Variants in CRAMP1 observed in about 807,000 individuals in gnomAD.
CRAMP1 encodes the protein cramped chromatin regulator 1.
A neutral mutation model predicts 115.4 loss-of-function variants in CRAMP1; 50 were observed. The observed-to-expected ratio is 0.43, with a 90% CI of 0.35 to 0.55. The LOEUF (loss-of-function observed/expected upper bound fraction) is 0.55, where lower values mean the gene tolerates loss of function less well. Ranked by LOEUF, CRAMP1 falls within the 20% of genes least tolerant of loss-of-function variation. The pLI is 0.01. For synonymous variants in CRAMP1, 866 were observed against 745.4 expected (o/e 1.16, Z -2.64); for missense variants, 1,679 against 1,721.7 (o/e 0.98, Z 0.44).
At chr16:1,641,048 A>C (rs2036627590) in intron 5 of CRAMP1, 91 bp from the exon 6 acceptor site, 5 of 845,596 alleles carry the variant, frequency 5.9e-6, no homozygotes, top group Admixed American at 1.9e-5. Context: ...ATGGGATTTG[A>C]GTCTATATTG....
intron 2 of CRAMP1, chr16:1,625,740 C>T (rs1039785387): frequency 2.2e-6 from 1 of 461,772 alleles, no homozygotes; most frequent in Non-Finnish European, 3.9e-6. Context: ...TAAAATCTTG[C>T]TCCTTTTCTA....
At chr16:1,626,829 C>A (rs1361481707) in intron 3 of CRAMP1, among the ~76,000 whole-genome samples, 1 of 152,128 alleles carries the variant, frequency 6.6e-6, no homozygotes, top group Non-Finnish European at 1.5e-5. Context: ...TAAATATTCT[C>A]CTTGCCTGTG....
In CRAMP1 at chr16:1,674,191, C is replaced by A; in HGVS notation, c.*146C>A. 1 of 772,764 alleles carries A rather than the reference C, an allele frequency of 1.3e-6. No homozygotes were observed. The highest frequency in any genetic ancestry group is 2.0e-6 in the Non-Finnish European group (1 of 493,214). The allele number at this position is 772,764 out of a possible 1,614,324, so 47.9% of individuals were successfully genotyped here. On this transcript the variant is annotated 3_prime_UTR_variant, in exon 21 of 21. Coordinates refer to ENST00000397412, the MANE Select transcript of CRAMP1 (RefSeq NM_020825.4). ...GAACGTGGTCACAGAGCTGCTTCCC[C>A]ACGAGCAGCAGGCAACGGCGTCCAA...
intron 2 of CRAMP1, among the ~76,000 whole-genome samples, chr16:1,619,798 C>T (rs2142168848): frequency 6.6e-6 from 1 of 152,274 alleles, no homozygotes; most frequent in African/African-American, 2.4e-5. Context: ...ATGAGTGACT[C>T]CCAGAGGGTG....
intron 5 of CRAMP1, 71 bp from the exon 6 acceptor site, chr16:1,641,068 G>A (rs2036627831): frequency 9.5e-7 from 1 of 1,055,724 alleles, no homozygotes; most frequent in Non-Finnish European, 1.5e-6. Flanking sequence ...GAGCGGAATT[G>A]TATGGGAATC....
chr16:1,616,595 TTTTG>T (rs1567445369), intron 2 of CRAMP1, among the ~76,000 whole-genome samples: 1 of 152,172 alleles, frequency 6.6e-6, no homozygotes, highest in Non-Finnish European at 1.5e-5. Context: ...GGAGGCTTGC[TTTTG>T]TTTGTATAGT....
At chr16:1,638,795 C>T (rs2036609218) in intron 5 of CRAMP1, among the ~76,000 whole-genome samples, 1 of 151,984 alleles carries the variant, frequency 6.6e-6, no homozygotes, top group South Asian at 2.1e-4. Flanking sequence ...CAGGCCTGCA[C>T]CACACTCTGT....
chr16:1,648,272 C>T (rs183136352), intron 6 of CRAMP1, among the ~76,000 whole-genome samples: 163 of 152,288 alleles, frequency 1.1e-3, no homozygotes, highest in East Asian at 4.2e-3. Flanking sequence ...TGAGTGGAAA[C>T]GTCCATTTGT....
At chr16:1,655,666 C>T (rs989894568) in intron 9 of CRAMP1, among the ~76,000 whole-genome samples, 26 of 152,222 alleles carry the variant, frequency 1.7e-4, no homozygotes, top group Admixed American at 1.2e-3. Flanking sequence ...CCCACATAGG[C>T]GTGGTGCGTG....
intron 6 of CRAMP1, among the ~76,000 whole-genome samples, chr16:1,647,748 T>TAAAA (rs35279793): frequency 2.3e-5 from 2 of 87,718 alleles, no homozygotes; most frequent in Non-Finnish European, 4.5e-5. Context: ...GACTCTGCCT[T>TAAAA]AAAAAAAAAA....
rs1257234848 is a variant in CRAMP1 at position 1,656,498 on chromosome 16, G to C, written c.1741G>C (p.Asp581His). 1 of 1,572,132 alleles carries C rather than the reference G, an allele frequency of 6.4e-7. No individual in the cohort carries two copies. The highest frequency in any genetic ancestry group is 2.4e-5 in the East Asian group (1 of 42,236). ...LIVPEQCRCADTRPGSEQPPL... is the reference protein window; with the variant it reads ...LIVPEQCRCAHTRPGSEQPPL... ...TGTCCCCGAGCAGTGCCGCTGTGCGGACACACGGCCTGGGAGCGAGCAGCC... is the reference window on the plus strand; with the variant it reads ...TGTCCCCGAGCAGTGCCGCTGTGCGCACACACGGCCTGGGAGCGAGCAGCC... The change falls in exon 10 of 21, where the codon GAC (aspartate) becomes CAC (histidine). Residue 581 changes from aspartate to histidine, a missense_variant. Physicochemically the swap from Asp to His is moderately conservative, Grantham distance 81. This residue lies in a region of CRAMP1 where 405 missense variants were observed against 302.6 expected (regional missense o/e 1.34). Transcript: ENST00000397412. This position sits in a 1 kb window ranked among gnomAD's most constrained non-coding sequence, Gnocchi z 5.6.
Position 1,670,758 on chromosome 16 carries a change from T to G in CRAMP1, c.3594T>G (p.Asp1198Glu). Residue 1198 changes from aspartate (D) to glutamate (E), a missense_variant, in exon 20 of 21, where the codon GAT (aspartate) becomes GAG (glutamate). Asp to Glu is a conservative substitution (Grantham distance 45, BLOSUM62 2). Around this residue, in one of 8 missense-constraint regions of CRAMP1, gnomAD observed 709 missense variants for 741.9 expected, o/e 0.96. Transcript: ENST00000397412. ...GTSLLGPSLL[D>E]GNSRDSFVSR... ...CCTTGCTTGGCCCCAGCTTGTTGGA[T>G]GGAAACTCGCGGGACTCATTTGTGT... 6.2e-7 allele frequency: 1 copy of G among 1,614,020 alleles called. No individual in the cohort carries two copies. Among genetic ancestry groups the G allele is most frequent in the Non-Finnish European group, 8.5e-7 (1 of 1,179,898 alleles).
At chr16:1,631,717 C>A (rs1000425698) in intron 3 of CRAMP1, among the ~76,000 whole-genome samples, 1 of 152,222 alleles carries the variant, frequency 6.6e-6, no homozygotes, top group Non-Finnish European at 1.5e-5. Flanking sequence ...CACGTATAAT[C>A]AGAGTATAGT....
chr16:1,655,201 T>C lies in CRAMP1; in HGVS notation c.1038-18T>C, dbSNP rs375586696. The C allele has an allele frequency of 4.4e-5, 70 of 1,607,148 alleles. 2 individuals are homozygous for C. Among genetic ancestry groups the C allele is most frequent in the Middle Eastern group, 1.6e-4 (1 of 6,074 alleles). On this transcript the variant is annotated intron_variant, in intron 8 of 20. Coordinates refer to ENST00000397412, the MANE Select transcript of CRAMP1 (RefSeq NM_020825.4). ...CTGTTCTGCGAACCTCACTTCCTCCTGTCTGTCGTCTCCGTAGGATGATCG... is the reference window on the plus strand; with the variant it reads ...CTGTTCTGCGAACCTCACTTCCTCCCGTCTGTCGTCTCCGTAGGATGATCG...
In CRAMP1 at chr16:1,666,540, C is replaced by T. The variant is rs575075208; in HGVS notation, c.2976C>T (p.Ala992=). Residue 992 remains alanine (A), a synonymous_variant, in exon 16 of 21, where the codon GCC becomes GCT. Transcript: ENST00000397412. The surrounding 1 kb of genome is among the most constrained non-coding windows in gnomAD (Gnocchi z 5.0). ...SPLSSDEVTG[A]ISGQDSTGTH... Reference sequence around the variant, plus strand: ...TGTCTTCAGACGAGGTGACGGGTGCCATCTCGGGGCAGGACTCTACTGGAA... The same window carrying T: ...TGTCTTCAGACGAGGTGACGGGTGCTATCTCGGGGCAGGACTCTACTGGAA... The T allele has an allele frequency of 2.5e-6, 4 of 1,613,954 alleles. No homozygotes were observed. Among genetic ancestry groups the T allele is most frequent in the Admixed American group, 3.3e-5 (2 of 60,020 alleles).
chr16:1,639,185 G>A (rs772119987), intron 5 of CRAMP1, among the ~76,000 whole-genome samples: 10 of 152,082 alleles, frequency 6.6e-5, no homozygotes, highest in Non-Finnish European at 1.3e-4. Flanking sequence ...TGCTTGTTCT[G>A]GTTTCCTCCC....
rs534598207 is a variant in CRAMP1 at position 1,675,006 on chromosome 16, A to G, written c.*961A>G. The G allele has an allele frequency of 2.0e-5, 3 of 152,340 alleles. No individual in the cohort carries two copies. In the South Asian group the frequency reaches 6.2e-4, roughly 32 times the overall value. The allele number at this position is 152,340 out of a possible 1,614,324, so 9.4% of individuals were successfully genotyped here. The stretch of plus-strand genomic sequence containing the variant: ...TGCCTTTGCAGGGAAAGTGTCTCTC[A>G]CGGGCATTGGTGTGGGCGTGCCTGA... On this transcript the variant is annotated 3_prime_UTR_variant, in exon 21 of 21. Transcript: ENST00000397412.
chr16:1,623,864 A>G (rs1267427892), intron 2 of CRAMP1, among the ~76,000 whole-genome samples: 1 of 152,246 alleles, frequency 6.6e-6, no homozygotes, highest in East Asian at 1.9e-4. Flanking sequence ...GCCAGATAAC[A>G]TGTCAGGCAT....
At chr16:1,651,949 T>A (rs1233513190) in intron 6 of CRAMP1, among the ~76,000 whole-genome samples, 1 of 149,134 alleles carries the variant, frequency 6.7e-6, no homozygotes, top group African/African-American at 2.5e-5. Flanking sequence ...CACGTAGAAG[T>A]GGATTGAGGT....
Sources: allele counts gnomAD v4.1 joint callset (sites outside exome capture counted in the v4.1 genomes callset), GRCh38; gene constraint gnomAD v4.1.1; regional missense constraint gnomAD v4.1.1; non-coding constraint Gnocchi (gnomAD v3.1); transcripts MANE v1.5; gene names NCBI Gene and HGNC (gene_info 2026-07-23, HGNC 2026-07-21).